Variants in RAB3GAP1 observed in about 807,000 individuals in gnomAD.
The protein encoded by RAB3GAP1 is rab3 GTPase-activating protein catalytic subunit.
RAB3GAP1 carries 86 observed loss-of-function variants against 130.7 expected under a neutral mutation model. That is an observed-to-expected ratio of 0.66 (90% CI 0.55 to 0.79). The LOEUF (loss-of-function observed/expected upper bound fraction) is 0.79. Ranked by LOEUF, RAB3GAP1 falls within the 30% of genes least tolerant of loss-of-function variation. The pLI is 0.00. For synonymous variants in RAB3GAP1, 367 were observed against 401.7 expected (o/e 0.91, Z 1.03); for missense variants, 1,029 against 1,169.4 (o/e 0.88, Z 1.75).
At chr2:135,052,629 C>T (rs1295201321) in intron 2 of RAB3GAP1, 144 bp downstream of exon 2, 2 of 963,086 alleles carry the variant, frequency 2.1e-6, no homozygotes, top group African/African-American at 3.2e-5. Flanking sequence ...CCCCAGTCTT[C>T]TTTGGTCAAC....
chr2:135,133,714 G>T, intron 14 of RAB3GAP1, 147 bp from the exon 15 acceptor site: 1 of 663,654 alleles, frequency 1.5e-6, no homozygotes, highest in South Asian at 1.7e-5. Flanking sequence ...AATAGTTTAT[G>T]CAGTAGTGTA....
chr2:135,112,468 C>G (rs1690832411), intron 5 of RAB3GAP1, among the ~76,000 whole-genome samples: 3 of 152,176 alleles, frequency 2.0e-5, no homozygotes. Context: ...AAGGCAAGGT[C>G]ACGGCTGCTA....
At chr2:135,131,208 A>AT in intron 13 of RAB3GAP1, among the ~76,000 whole-genome samples, 1 of 152,042 alleles carries the variant, frequency 6.6e-6, no homozygotes, top group Non-Finnish European at 1.5e-5. Context: ...CATGATTAGA[A>AT]TTTTTTTATT....
In RAB3GAP1 at chr2:135,058,000, C is replaced by T. The variant is rs746426580; in HGVS notation, c.75-11C>T. On this transcript the variant is annotated splice_polypyrimidine_tract_variant and intron_variant, in intron 2 of 23. Coordinates refer to ENST00000264158, the MANE Select transcript of RAB3GAP1 (RefSeq NM_012233.3). ...GCTGTTGTATTTAGAAGCTTTCTCC[C>T]TACTTCCTAGGTTTATTTCCAAAGT... 1.4e-5 allele frequency: 23 copies of T among 1,594,442 alleles called. No individual in the cohort carries two copies. Among genetic ancestry groups the T allele is most frequent in the Non-Finnish European group, 1.8e-5 (21 of 1,162,572 alleles).
chr2:135,117,163 A>C (rs983414659), intron 7 of RAB3GAP1, among the ~76,000 whole-genome samples: 2 of 152,192 alleles, frequency 1.3e-5, no homozygotes, highest in Admixed American at 6.5e-5. Context: ...TCCATTAGAA[A>C]AATTACAGGT....
rs552291582 is a variant in RAB3GAP1 at position 135,106,295 on chromosome 2, G to T, written c.363-6856G>T. On this transcript the variant is annotated intron_variant, in intron 5 of 23. Coordinates refer to ENST00000264158, the MANE Select transcript of RAB3GAP1 (RefSeq NM_012233.3). ...ATTGAGAACGGGCCATGATGACAAT[G>T]GCGGTTTTGTCGAATAGAAAAGGGG... Among the ~76,000 whole-genome samples, 285 of 152,370 alleles carry T rather than the reference G, an allele frequency of 1.9e-3. 1 individual carries two copies. The highest frequency in any genetic ancestry group is 6.6e-3 in the African/African-American group (276 of 41,588).
chr2:135,134,203 T>C (rs1164303596), intron 15 of RAB3GAP1, among the ~76,000 whole-genome samples, 170 bp downstream of exon 15: 2 of 151,946 alleles, frequency 1.3e-5, no homozygotes, highest in Non-Finnish European at 2.9e-5. Flanking sequence ...ATTAATATAA[T>C]AGAAAAAAAG....
At chr2:135,117,581 TGC>T in intron 7 of RAB3GAP1, among the ~76,000 whole-genome samples, 17 of 149,510 alleles carry the variant, frequency 1.1e-4, no homozygotes, top group Admixed American at 2.0e-4. Flanking sequence ...CTTCTTCTTC[TGC>T]TTCTTCTTCT....
intron 3 of RAB3GAP1, among the ~76,000 whole-genome samples, chr2:135,073,242 A>T (rs1322039853): frequency 1.3e-5 from 2 of 152,178 alleles, no homozygotes; most frequent in African/African-American, 2.4e-5. Context: ...GAGGGAGTGC[A>T]TTTGCCCCCA....
intron 17 of RAB3GAP1, among the ~76,000 whole-genome samples, chr2:135,146,987 C>CACACAG (rs1457915788): frequency 6.6e-6 from 1 of 151,954 alleles, no homozygotes; most frequent in African/African-American, 2.4e-5. Flanking sequence ...CACACACACA[C>CACACAG]ACACACACAC....
In RAB3GAP1 at chr2:135,168,634, C is replaced by T. The variant is rs369057346; in HGVS notation, c.2799C>T (p.Pro933=). 1.4e-5 allele frequency: 23 copies of T among 1,614,096 alleles called. No homozygotes were observed. The African/African-American group carries it at 2.5e-4, about 18-fold the overall frequency. ...AGAACTCCGTGTCAGACTTCCCACC[C>T]CCTGCTGGCCGGGAATTCATTTTGC... ...RRQNSVSDFP[P]PAGREFILRT... Residue 933 remains proline, a synonymous_variant, in exon 24 of 24, where the codon CCC becomes CCT. Coordinates refer to ENST00000264158, the MANE Select transcript of RAB3GAP1 (RefSeq NM_012233.3).
chr2:135,167,573 T>C, intron 23 of RAB3GAP1: 1 of 790,750 alleles, frequency 1.3e-6, no homozygotes, highest in South Asian at 1.7e-5. Flanking sequence ...GATAGGATCA[T>C]GTTCCATAAT....
intron 2 of RAB3GAP1, among the ~76,000 whole-genome samples, chr2:135,053,869 T>A (rs971584291): frequency 1.3e-5 from 2 of 152,068 alleles, no homozygotes; most frequent in Non-Finnish European, 2.9e-5. Context: ...TGGACTACAA[T>A]AGTTGGAGAT....
chr2:135,120,849 A>G lies in RAB3GAP1; in HGVS notation c.679A>G (p.Ser227Gly), dbSNP rs1403353554. The change falls in exon 8 of 24, where the codon AGT (serine) becomes GGT (glycine). Residue 227 changes from serine to glycine, a missense_variant. By Grantham distance (56) the Ser-to-Gly change is moderately conservative (BLOSUM62 0). Around this residue, in one of 3 missense-constraint regions of RAB3GAP1, gnomAD observed 510 missense variants for 532.1 expected, o/e 0.96. Coordinates refer to ENST00000264158, the MANE Select transcript of RAB3GAP1 (RefSeq NM_012233.3). ...TCCTTTAACTCCATTGCCTCCAGTTAGTATTGCTATTCGATTTACCTATGT... is the reference window on the plus strand; with the variant it reads ...TCCTTTAACTCCATTGCCTCCAGTTGGTATTGCTATTCGATTTACCTATGT... ...GCPLTPLPPV[S>G]IAIRFTYVLQ... is the part of the protein sequence containing the mutation. The G allele has an allele frequency of 1.2e-6, 2 of 1,612,996 alleles. No individual in the cohort carries two copies. The highest frequency in any genetic ancestry group is 1.7e-6 in the Non-Finnish European group (2 of 1,179,032).
chr2:135,109,709 G>C (rs1690741207), intron 5 of RAB3GAP1, among the ~76,000 whole-genome samples: 1 of 151,976 alleles, frequency 6.6e-6, no homozygotes, highest in African/African-American at 2.4e-5. Flanking sequence ...AGCCTCCTGA[G>C]TAGCTGGGAC....
chr2:135,091,159 C>A, intron 4 of RAB3GAP1, 29 bp downstream of exon 4: 1 of 1,528,654 alleles, frequency 6.5e-7, no homozygotes, highest in Non-Finnish European at 9.0e-7. Flanking sequence ...ATAATATTAA[C>A]TTCTGATTTG....
chr2:135,134,302 C>T (rs1198428819), intron 15 of RAB3GAP1, among the ~76,000 whole-genome samples: 1 of 151,934 alleles, frequency 6.6e-6, no homozygotes, highest in Non-Finnish European at 1.5e-5. Context: ...ACAGTTTTTC[C>T]CCCAATAATC....
At chr2:135,151,134 CA>C in intron 18 of RAB3GAP1, among the ~76,000 whole-genome samples, 1 of 152,312 alleles carries the variant, frequency 6.6e-6, no homozygotes, top group Admixed American at 6.5e-5. Context: ...GGAATGGTGA[CA>C]TTTGGCTTAT....
At position 135,099,238 on chromosome 2, in the gene RAB3GAP1, T is replaced by C. The variant is rs183037949; in HGVS notation, c.362+5545T>C. On this transcript the variant is annotated intron_variant, in intron 5 of 23. Transcript: ENST00000264158. ...TTCCTGCTTTGCTGAGAGTTTTTATTATGAATGGATGTTGAATTTTGTCAA... is the reference window on the plus strand; with the variant it reads ...TTCCTGCTTTGCTGAGAGTTTTTATCATGAATGGATGTTGAATTTTGTCAA... Among the ~76,000 whole-genome samples, 249 of 152,314 alleles carry C rather than the reference T, an allele frequency of 1.6e-3. 2 individuals are homozygous for C. The highest frequency in any genetic ancestry group is 3.4e-3 in the Middle Eastern group (1 of 294).
Sources: allele counts gnomAD v4.1 joint callset (sites outside exome capture counted in the v4.1 genomes callset), GRCh38; gene constraint gnomAD v4.1.1; regional missense constraint gnomAD v4.1.1; transcripts MANE v1.5; gene names NCBI Gene and HGNC (gene_info 2026-07-23, HGNC 2026-07-21).